The following DNAJC6 variants were observed in gnomAD, a reference collection of about 807,000 sequenced individuals.
DNAJC6 encodes the protein auxilin.
DNAJC6 carries 34 observed loss-of-function variants against 110.0 expected under a neutral mutation model. That is an observed-to-expected ratio of 0.31 (90% CI 0.24 to 0.41). DNAJC6 has a LOEUF of 0.41. Ranked by LOEUF, DNAJC6 falls within the 10% of genes least tolerant of loss-of-function variation. DNAJC6 has a pLI of 1.00. For missense variants in DNAJC6, 1,031 were observed against 1,207.8 expected, an observed-to-expected ratio of 0.85 and a Z score of 2.17; for synonymous variants, 406 against 437.2, an observed-to-expected ratio of 0.93 and a Z score of 0.89.
intron 1 of DNAJC6, among the ~76,000 whole-genome samples, chr1:65,310,770 A>C (rs1050517028): frequency 1.8e-4 from 28 of 152,190 alleles, no homozygotes; most frequent in African/African-American, 6.3e-4. Context: ...ATGTTGGACT[A>C]GGAGTATTAT....
Position 65,284,854 on chromosome 1 carries a change from C to T in DNAJC6, c.-131+19922C>T, listed in dbSNP as rs187859037. On this transcript the variant is annotated intron_variant, in intron 1 of 19. Transcript: ENST00000263441. ...CAGGCACCCACCACCACGCCTGGCTCATTTTGTATTTTCAGTAGAGATGGG... is the reference window on the plus strand; with the variant it reads ...CAGGCACCCACCACCACGCCTGGCTTATTTTGTATTTTCAGTAGAGATGGG... 4.5e-4 allele frequency among the ~76,000 whole-genome samples: 68 copies of T among 151,990 alleles called. 1 individual carries two copies. The East Asian group carries it at 0.013, about 29-fold the overall frequency.
intron 3 of DNAJC6, 51 bp downstream of exon 3, chr1:65,365,985 G>A: frequency 6.2e-7 from 1 of 1,612,614 alleles, no homozygotes; most frequent in Non-Finnish European, 8.5e-7. Flanking sequence ...TCCCGTTGCT[G>A]CCCATCGTTA....
intron 12 of DNAJC6, among the ~76,000 whole-genome samples, chr1:65,393,517 G>A (rs1645949031): frequency 6.6e-6 from 1 of 152,216 alleles, no homozygotes; most frequent in African/African-American, 2.4e-5. Flanking sequence ...CATGCCGGAA[G>A]CACAGCTTCC....
chr1:65,348,795 G>A (rs749520812), intron 1 of DNAJC6, among the ~76,000 whole-genome samples: 18 of 149,994 alleles, frequency 1.2e-4, no homozygotes, highest in Middle Eastern at 3.2e-3. Flanking sequence ...GTCTACTCTC[G>A]TTATTTGTTT....
At chr1:65,267,362 T>G (rs908464138) in intron 1 of DNAJC6, among the ~76,000 whole-genome samples, 10 of 152,318 alleles carry the variant, frequency 6.6e-5, no homozygotes, top group Admixed American at 4.6e-4. Context: ...GCTATTAGAC[T>G]AGATTCCTGT....
In DNAJC6 at chr1:65,382,911, A is replaced by T. The variant is rs139691814; in HGVS notation, c.667-1282A>T. Among the ~76,000 whole-genome samples, 155 of 152,322 alleles carry T rather than the reference A, an allele frequency of 1.0e-3. 2 individuals carry two copies. Among genetic ancestry groups the T allele is most frequent in the African/African-American group, 3.6e-3 (150 of 41,574 alleles). On this transcript the variant is annotated intron_variant, in intron 5 of 18. Coordinates refer to ENST00000371069, the MANE Select transcript of DNAJC6 (RefSeq NM_001256864.2). ...TGGAAAATCAAGTGAGGAAGAATAG[A>T]AGGGATTGAGTTTGTTTTAAAAGGG...
At chr1:65,271,870 C>CAA (rs61066958) in intron 1 of DNAJC6, among the ~76,000 whole-genome samples, 2 of 133,224 alleles carry the variant, frequency 1.5e-5, no homozygotes, top group Non-Finnish European at 3.2e-5. Context: ...GACTCCATCT[C>CAA]AAAAAAAAAA....
chr1:65,408,405 A>G (rs1410447366), intron 16 of DNAJC6, among the ~76,000 whole-genome samples: 1 of 152,200 alleles, frequency 6.6e-6, no homozygotes, highest in Non-Finnish European at 1.5e-5. Flanking sequence ...ATTTGGCTTC[A>G]TGATCCAGCC....
Position 65,408,752 on chromosome 1 carries a change from T to C in DNAJC6, c.2603T>C (p.Met868Thr). ...ATAGCTGAGATGAGAAAGGAGGAAATGGCCAAGGAAATGGATCCTGAGAAA... is the reference window on the plus strand; with the variant it reads ...ATAGCTGAGATGAGAAAGGAGGAAACGGCCAAGGAAATGGATCCTGAGAAA... The part of the protein sequence containing the change: ...RTIAEMRKEE[M>T]AKEMDPEKLK... Residue 868 changes from methionine to threonine, a missense_variant, in exon 17 of 19, where the codon ATG becomes ACG. Coordinates refer to ENST00000371069, the MANE Select transcript of DNAJC6 (RefSeq NM_001256864.2). 1 of 1,612,502 alleles carries C rather than the reference T, an allele frequency of 6.2e-7. No homozygotes were observed. Among genetic ancestry groups the C allele is most frequent in the East Asian group, 2.2e-5 (1 of 44,802 alleles).
Position 65,379,390 on chromosome 1 carries a change from G to C in DNAJC6, c.544-12G>C. The stretch of plus-strand genomic sequence containing the variant: ...CTGGAGGAATTAATTTCCTTTTGCT[G>C]TGCTCCCTTAGGTCTCAGAATGCAG... On this transcript the variant is annotated splice_polypyrimidine_tract_variant and intron_variant, in intron 4 of 18. Coordinates refer to ENST00000371069, the MANE Select transcript of DNAJC6 (RefSeq NM_001256864.2). 2.5e-6 allele frequency: 4 copies of C among 1,613,634 alleles called. No individual in the cohort carries two copies. The highest frequency in any genetic ancestry group is 3.4e-6 in the Non-Finnish European group (4 of 1,179,806).
At chr1:65,335,772 C>T (rs1191774077) in intron 1 of DNAJC6, among the ~76,000 whole-genome samples, 4 of 152,072 alleles carry the variant, frequency 2.6e-5, no homozygotes, top group Non-Finnish European at 4.4e-5. Flanking sequence ...ATTGCGCGAG[C>T]TTTGATTTTT....
intron 1 of DNAJC6, among the ~76,000 whole-genome samples, chr1:65,291,990 C>T (rs1230585047): frequency 2.0e-5 from 3 of 152,036 alleles, no homozygotes; most frequent in African/African-American, 7.2e-5. Flanking sequence ...TTCTTTCTGA[C>T]TTCTTTACAA....
At chr1:65,353,671 ATGT>A (rs1172644456) in intron 1 of DNAJC6, among the ~76,000 whole-genome samples, 1 of 151,956 alleles carries the variant, frequency 6.6e-6, no homozygotes. Context: ...ATCTTTTTTC[ATGT>A]TGTCGATCCT....
intron 12 of DNAJC6, among the ~76,000 whole-genome samples, chr1:65,393,825 C>T (rs931459422): frequency 6.6e-6 from 1 of 151,922 alleles, no homozygotes; most frequent in African/African-American, 2.4e-5. Context: ...TTTTTTTTCC[C>T]CAAGCGTATC....
chr1:65,390,370 G>A (rs905636045), intron 11 of DNAJC6, among the ~76,000 whole-genome samples: 3 of 152,198 alleles, frequency 2.0e-5, no homozygotes, highest in Non-Finnish European at 4.4e-5. Flanking sequence ...TGCAGAGAAA[G>A]CAAACACTTG....
At chr1:65,283,769 C>G (rs1209538668) in intron 1 of DNAJC6, among the ~76,000 whole-genome samples, 4 of 152,184 alleles carry the variant, frequency 2.6e-5, no homozygotes, top group Non-Finnish European at 5.9e-5. Flanking sequence ...AAATTCCAAC[C>G]ATTATTGTAT....
In DNAJC6 at chr1:65,387,057, A is replaced by T. The variant is rs547501011; in HGVS notation, c.1113+128A>T. The T allele has an allele frequency of 3.3e-5, 26 of 796,292 alleles. 1 individual carries two copies. In the South Asian group the frequency reaches 4.3e-4, roughly 13 times the overall value. The allele number at this position is 796,292 out of a possible 1,614,324, so 49.3% of individuals were successfully genotyped here. On this transcript the variant is annotated intron_variant, in intron 8 of 18. Coordinates refer to ENST00000371069, the MANE Select transcript of DNAJC6 (RefSeq NM_001256864.2). Reference sequence around the variant, plus strand: ...TTTTAGAATGAAAAAGAGCGTTTAAAGATTGCTTAGCTCACCTCCTTCATC... The same window carrying T: ...TTTTAGAATGAAAAAGAGCGTTTAATGATTGCTTAGCTCACCTCCTTCATC...
intron 1 of DNAJC6, among the ~76,000 whole-genome samples, chr1:65,301,872 T>A (rs987118137): frequency 5.9e-5 from 9 of 151,374 alleles, no homozygotes; most frequent in Non-Finnish European, 1.3e-4. Flanking sequence ...CAGCATTTCT[T>A]CCCCCAGGGA....
chr1:65,275,437 CAG>C (rs924268071), intron 1 of DNAJC6, among the ~76,000 whole-genome samples: 6 of 152,190 alleles, frequency 3.9e-5, no homozygotes, highest in African/African-American at 1.4e-4. Context: ...CTTGGAAAAG[CAG>C]GCTGTCAGTC....
Sources: gnomAD v4.1 joint callset for allele counts (sites outside exome capture counted in the v4.1 genomes callset) on GRCh38, gnomAD v4.1.1 for gene constraint, MANE v1.5 for transcripts, NCBI Gene and HGNC (gene_info 2026-07-23, HGNC 2026-07-21) for gene names.